Variants in PKIB observed in about 807,000 individuals in gnomAD.
PKIB encodes the protein cAMP-dependent protein kinase inhibitor beta.
A neutral mutation model predicts 4.5 loss-of-function variants in PKIB; 2 were observed. The observed-to-expected ratio is 0.44, with a 90% confidence interval of 0.18 to 1.39. The LOEUF is 1.39. Among genes scored for constraint, PKIB ranks in the 40% most tolerant of loss-of-function variants. The probability of loss-of-function intolerance (pLI) is 0.27; values close to 1 mark genes in which losing one functional copy is unlikely to be tolerated. For synonymous variants in PKIB, 38 were observed against 36.0 expected, an observed-to-expected ratio of 1.06 and a Z score of -0.20; for missense variants, 94 against 92.6, an observed-to-expected ratio of 1.02 and a Z score of -0.06.
At chr6:122,482,532 A>C (rs1167687504) in intron 2 of PKIB, 1 of 147,908 alleles carries the variant, frequency 6.8e-6, no homozygotes, top group Admixed American at 7.0e-5. Context: ...GGAAGAGATA[A>C]CTTTAGGTTG....
intron 2 of PKIB, among the ~76,000 whole-genome samples, chr6:122,550,982 G>C (rs1772658467): frequency 6.6e-6 from 1 of 152,190 alleles, no homozygotes; most frequent in African/African-American, 2.4e-5. Flanking sequence ...TCCTTTTCTA[G>C]AGAGCAGTGG....
At chr6:122,480,606 A>AT (rs2114516005) in intron 2 of PKIB, 1 of 152,224 alleles carries the variant, frequency 6.6e-6, no homozygotes, top group South Asian at 2.1e-4. Flanking sequence ...GAAAAATGTC[A>AT]TGTTCTATTT....
intron 2 of PKIB, among the ~76,000 whole-genome samples, chr6:122,530,848 C>A (rs1323990492): frequency 6.6e-6 from 1 of 152,190 alleles, no homozygotes; most frequent in Non-Finnish European, 1.5e-5. Flanking sequence ...AATTGTTCTG[C>A]AATATGCCAT....
intron 3 of PKIB, among the ~76,000 whole-genome samples, chr6:122,676,515 G>A (rs146140315): frequency 6.6e-6 from 1 of 152,190 alleles, no homozygotes; most frequent in Non-Finnish European, 1.5e-5. Context: ...GTGAGACCTT[G>A]GACAGCATAA....
At chr6:122,473,585 G>A (rs1264969592) in intron 1 of PKIB, among the ~76,000 whole-genome samples, 3 of 152,136 alleles carry the variant, frequency 2.0e-5, no homozygotes, top group Non-Finnish European at 2.9e-5. Flanking sequence ...AATTGGACAC[G>A]ACAGTATATA....
intron 2 of PKIB, among the ~76,000 whole-genome samples, chr6:122,540,481 T>A (rs1777559698): frequency 6.6e-6 from 1 of 152,054 alleles, no homozygotes; most frequent in South Asian, 2.1e-4. Flanking sequence ...TTCCATGTAG[T>A]TGAGTGGTTT....
At chr6:122,696,829 C>G (rs1353666978) in intron 3 of PKIB, among the ~76,000 whole-genome samples, 1 of 152,198 alleles carries the variant, frequency 6.6e-6, no homozygotes, top group Admixed American at 6.5e-5. Flanking sequence ...TCAGCGTGGA[C>G]ACAGGATATG....
chr6:122,543,277 A>G (rs1772365604), intron 2 of PKIB, among the ~76,000 whole-genome samples: 1 of 149,844 alleles, frequency 6.7e-6, no homozygotes, highest in Admixed American at 6.6e-5. Flanking sequence ...TGCAGAAATC[A>G]CCCATCTTCT....
intron 2 of PKIB, among the ~76,000 whole-genome samples, chr6:122,521,496 C>T (rs562115804): frequency 1.4e-4 from 22 of 151,936 alleles, no homozygotes; most frequent in African/African-American, 4.8e-4. Context: ...CTGGCTAACA[C>T]GGTGAAACGC....
Position 122,697,215 on chromosome 6 carries a change from A to G in PKIB, c.-8-20572A>G, listed in dbSNP as rs550453042. ...AGAGAACAAAACCTGCTACTCAAGG[A>G]TAAATAGAAACTGTGCCTGGTCCCC... On this transcript the variant is annotated intron_variant, in intron 3 of 4. Transcript: ENST00000368452. 2.0e-5 allele frequency among the ~76,000 whole-genome samples: 3 copies of G among 152,200 alleles called. No homozygotes were observed. The South Asian group carries it at 6.2e-4, about 32-fold the overall frequency.
chr6:122,545,708 C>A (rs1449284458), intron 2 of PKIB, among the ~76,000 whole-genome samples: 2 of 147,652 alleles, frequency 1.4e-5, no homozygotes, highest in African/African-American at 2.5e-5. Flanking sequence ...ACCTGGGTGA[C>A]AAAATAATCT....
rs59569106 is a variant in PKIB, at chr6:122,576,710, A to ATATATATAT, written c.-247-9210_-247-9209insATATATATT. On this transcript the variant is annotated intron_variant, in intron 2 of 6. Coordinates refer to the PKIB transcript ENST00000392491. The stretch of plus-strand genomic sequence containing the variant: ...AAAAAATATATATATATATATATAT[A>ATATATATAT]TTTTCTTTTGTATAATTATACCTCA... 4.5e-3 allele frequency among the ~76,000 whole-genome samples: 499 copies of ATATATATAT among 109,868 alleles called. 1 individual carries two copies. Among genetic ancestry groups the ATATATATAT allele is most frequent in the East Asian group, 0.016 (49 of 3,112 alleles). 72.1% of individuals were successfully genotyped at this position (109,868 alleles called of 152,430 possible). A position where few individuals can be genotyped will look rare whatever the true frequency, so the allele number is the denominator to read the frequency against.
At chr6:122,591,023 A>T (rs1302210225) in intron 3 of PKIB, among the ~76,000 whole-genome samples, 1 of 150,284 alleles carries the variant, frequency 6.7e-6, no homozygotes, top group African/African-American at 2.4e-5. Flanking sequence ...CCTTTTTTTA[A>T]AAAAAAAAAC....
At chr6:122,641,778 C>T (rs1030687865) in intron 2 of PKIB, among the ~76,000 whole-genome samples, 5 of 152,222 alleles carry the variant, frequency 3.3e-5, no homozygotes, top group Admixed American at 3.3e-4. Context: ...ACTGCAACCT[C>T]TGCCTCCTGG....
chr6:122,725,309 A>T lies in PKIB; in HGVS notation c.*114A>T. ...CTGTGGTAACATTGCAGCCCTAAGC[A>T]GCATGTGTATATTAGATAATTGTGT... On this transcript the variant is annotated 3_prime_UTR_variant, in exon 5 of 5. Transcript: ENST00000368452. 1 of 785,806 alleles carries T rather than the reference A, an allele frequency of 1.3e-6. No homozygotes were observed. The highest frequency in any genetic ancestry group is 2.3e-4 in the Middle Eastern group (1 of 4,308). 48.7% of individuals were successfully genotyped at this position (785,806 alleles called of 1,614,324 possible). A position where few individuals can be genotyped will look rare whatever the true frequency, so the allele number is the denominator to read the frequency against.
chr6:122,532,693 A>T (rs1777295266), intron 2 of PKIB, among the ~76,000 whole-genome samples: 1 of 152,140 alleles, frequency 6.6e-6, no homozygotes, highest in South Asian at 2.1e-4. Context: ...GCGTGTGTTA[A>T]TCCCTTCCTT....
intron 1 of PKIB, among the ~76,000 whole-genome samples, chr6:122,626,241 G>A (rs1352429768): frequency 6.6e-6 from 1 of 152,004 alleles, no homozygotes; most frequent in East Asian, 1.9e-4. Flanking sequence ...CATCCTTTTT[G>A]AACTTTATGG....
chr6:122,571,010 G>T (rs1211441172), intron 2 of PKIB, among the ~76,000 whole-genome samples: 1 of 151,330 alleles, frequency 6.6e-6, no homozygotes, highest in African/African-American at 2.4e-5. Flanking sequence ...TAAAATTCAG[G>T]ATATGAATGA....
chr6:122,586,923 G>T (rs919435508), intron 3 of PKIB, among the ~76,000 whole-genome samples: 1 of 152,166 alleles, frequency 6.6e-6, no homozygotes, highest in African/African-American at 2.4e-5. Flanking sequence ...CCACCTGGGT[G>T]GGGTGGTAGG....
Sources: gnomAD v4.1 joint callset for allele counts (sites outside exome capture counted in the v4.1 genomes callset) on GRCh38, gnomAD v4.1.1 for gene constraint, MANE v1.5 for transcripts, NCBI Gene and HGNC (gene_info 2026-07-23, HGNC 2026-07-21) for gene names.